The following ARHGAP6 variants were observed in gnomAD, a reference collection of about 807,000 sequenced individuals.
ARHGAP6 encodes the protein Rho GTPase activating protein 6, also known as rho GTPase-activating protein 6.
ARHGAP6 carries 16 observed loss-of-function variants against 55.7 expected under a neutral mutation model. The observed-to-expected ratio is 0.29, with a 90% confidence interval of 0.19 to 0.44. ARHGAP6 has a LOEUF of 0.44. Ranked by LOEUF, ARHGAP6 falls within the 20% of genes least tolerant of loss-of-function variation. The probability of loss-of-function intolerance (pLI) is 1.00; values close to 1 mark genes in which losing one functional copy is unlikely to be tolerated. For synonymous variants in ARHGAP6, 382 were observed against 360.9 expected, an observed-to-expected ratio of 1.06 and a Z score of -0.66; for missense variants, 698 against 808.9, an observed-to-expected ratio of 0.86 and a Z score of 1.66.
chrX:11,627,473 A>C (rs1165625307), intron 1 of ARHGAP6, among the ~76,000 whole-genome samples: 1 of 112,268 alleles, frequency 8.9e-6, no homozygotes, highest in Non-Finnish European at 1.9e-5. Flanking sequence ...TGAGTAAAGA[A>C]AATATGTTGC....
chrX:11,527,813 G>A (rs965301872), intron 1 of ARHGAP6, among the ~76,000 whole-genome samples: 2 of 111,842 alleles, frequency 1.8e-5, no homozygotes, highest in South Asian at 3.7e-4. Context: ...GGTTCTAGAT[G>A]GGTTGGGGAA....
At chrX:11,347,628 C>T (rs2048805506) in intron 1 of ARHGAP6, among the ~76,000 whole-genome samples, 1 of 112,049 alleles carries the variant, frequency 8.9e-6, no homozygotes, top group Non-Finnish European at 1.9e-5. Flanking sequence ...TATTATATAG[C>T]AATATCATTC....
intron 9 of ARHGAP6, among the ~76,000 whole-genome samples, chrX:11,166,973 G>T (rs2046025657): frequency 9.0e-6 from 1 of 111,633 alleles, no homozygotes; most frequent in East Asian, 2.8e-4. Flanking sequence ...TTCTAAAGAG[G>T]TCAAGAATGA....
chrX:11,182,044 A>G lies in ARHGAP6; in HGVS notation c.1329+19T>C, dbSNP rs1160200965. The G allele has an allele frequency of 8.4e-7, 1 of 1,187,490 alleles. No homozygotes were observed. Among genetic ancestry groups the G allele is most frequent in the Admixed American group, 2.2e-5 (1 of 45,608 alleles). ...TGAAAGTCATGTGAAACAAAATATA[A>G]TCTTTACTTTTCACTTACTTGTCTC... On this transcript the variant is annotated intron_variant, in intron 6 of 12. Transcript: ENST00000337414.
In ARHGAP6 at chrX:11,139,117, C is replaced by T. The variant is rs764515727; in HGVS notation, c.2671G>A (p.Ala891Thr). ...PPPYPGPGKP[A>T]AAAAWIQGPP... Reference sequence around the variant, plus strand: ...CCCTGGATCCAGGCTGCCGCTGCCGCGGGCTTCCCTGGGCCCGGGTATGGA... The same window carrying T: ...CCCTGGATCCAGGCTGCCGCTGCCGTGGGCTTCCCTGGGCCCGGGTATGGA... Residue 891 changes from alanine (A) to threonine (T), a missense_variant, in exon 13 of 13, where the codon GCG becomes ACG. This residue lies in a region of ARHGAP6 where 212 missense variants were observed against 208.7 expected (regional missense o/e 1.02). Transcript: ENST00000337414. 9.1e-6 allele frequency: 11 copies of T among 1,203,548 alleles called. 1 individual carries two copies. In the African/African-American group the frequency reaches 1.0e-4, roughly 11 times the overall value.
chrX:11,320,766 TACACACACACACACACACACAC>T (rs56815077), intron 1 of ARHGAP6, among the ~76,000 whole-genome samples: 4 of 85,668 alleles, frequency 4.7e-5, no homozygotes, highest in Non-Finnish European at 6.9e-5. Flanking sequence ...AATATCTCTT[TACACACACACACACACACACAC>T]ACACACACAC....
chrX:11,390,204 T>C (rs1201153733), intron 1 of ARHGAP6, among the ~76,000 whole-genome samples: 2 of 111,853 alleles, frequency 1.8e-5, no homozygotes, highest in African/African-American at 6.5e-5. Flanking sequence ...CATTTCTTGT[T>C]TTTGTCAGGT....
rs746789327 is a variant in ARHGAP6 at position 11,139,064 on chromosome X, C to T, written c.2724G>A (p.Thr908=). The change falls in exon 13 of 13, where the codon ACG becomes ACA. Residue 908 remains threonine, a synonymous_variant. Transcript: ENST00000337414. ...QGPPEGVETP[T]DQGGQAAERE... ...GCTCGGCTGCTTGGCCTCCCTGGTC[C>T]GTGGGTGTCTCCACGCCTTCCGGGG... 2.1e-5 allele frequency: 25 copies of T among 1,204,500 alleles called. No homozygotes were observed. The highest frequency in any genetic ancestry group is 2.6e-5 in the Non-Finnish European group (23 of 892,739).
intron 1 of ARHGAP6, among the ~76,000 whole-genome samples, chrX:11,502,761 C>T (rs1328319622): frequency 1.8e-5 from 2 of 111,896 alleles, no homozygotes; most frequent in Non-Finnish European, 3.8e-5. Context: ...TGGAAGAATA[C>T]AGGGTATAAT....
intron 1 of ARHGAP6, among the ~76,000 whole-genome samples, chrX:11,628,531 T>C (rs1455077066): frequency 8.9e-6 from 1 of 112,911 alleles, no homozygotes; most frequent in African/African-American, 3.2e-5. Flanking sequence ...ATATTTTGCA[T>C]ACGTGCAAAT....
intron 1 of ARHGAP6, among the ~76,000 whole-genome samples, chrX:11,512,040 A>G (rs965653512): frequency 1.8e-5 from 2 of 110,629 alleles, no homozygotes; most frequent in Non-Finnish European, 3.8e-5. Flanking sequence ...GTTAGCCAGG[A>G]TGGTCTTGAT....
chrX:11,337,813 AAAC>A (rs2048658210), intron 1 of ARHGAP6, among the ~76,000 whole-genome samples: 1 of 112,697 alleles, frequency 8.9e-6, no homozygotes, highest in African/African-American at 3.2e-5. Context: ...GGTAGTTAAT[AAAC>A]AACAGAGGTT....
At chrX:11,387,245 T>C (rs1603161713) in intron 1 of ARHGAP6, among the ~76,000 whole-genome samples, 1 of 111,481 alleles carries the variant, frequency 9.0e-6, no homozygotes, top group South Asian at 3.8e-4. Context: ...CCTGGGGAGC[T>C]CTACAAAATA....
intron 1 of ARHGAP6, among the ~76,000 whole-genome samples, chrX:11,371,688 T>C (rs2147709225): frequency 8.9e-6 from 1 of 112,485 alleles, no homozygotes; most frequent in East Asian, 2.8e-4. Flanking sequence ...AGAAAGATAA[T>C]GCCTAGTTTT....
At position 11,650,902 on chromosome X, in the gene ARHGAP6, C is replaced by T. The variant is rs963016050; in HGVS notation, c.588+13339G>A. 8.9e-5 allele frequency among the ~76,000 whole-genome samples: 10 copies of T among 112,233 alleles called. No homozygotes were observed. In the South Asian group the frequency reaches 3.0e-3, roughly 33 times the overall value. On this transcript the variant is annotated intron_variant, in intron 1 of 12. Coordinates refer to ENST00000337414, the MANE Select transcript of ARHGAP6 (RefSeq NM_013427.3). ...ATCTTCATATCACCTTTCATGTTTA[C>T]TTTCTCAGCATTTTGACACATTCTG...
intron 1 of ARHGAP6, among the ~76,000 whole-genome samples, chrX:11,412,288 T>A (rs1416719445): frequency 9.0e-6 from 1 of 111,672 alleles, no homozygotes; most frequent in Non-Finnish European, 1.9e-5. Flanking sequence ...AGCTACTAAT[T>A]CTACCCTGCT....
intron 1 of ARHGAP6, among the ~76,000 whole-genome samples, chrX:11,475,036 T>A (rs750537242): frequency 9.0e-6 from 1 of 111,100 alleles, no homozygotes; most frequent in East Asian, 2.8e-4. Context: ...AGAACCATAA[T>A]CTAAATAAAT....
chrX:11,290,908 G>C (rs1210468365), intron 1 of ARHGAP6, among the ~76,000 whole-genome samples: 13 of 112,043 alleles, frequency 1.2e-4, no homozygotes, highest in Non-Finnish European at 2.3e-4. Context: ...TTTACTTTCA[G>C]TTCACGCATA....
intron 1 of ARHGAP6, among the ~76,000 whole-genome samples, chrX:11,413,418 A>G (rs908736378): frequency 8.9e-6 from 1 of 112,385 alleles, no homozygotes; most frequent in Non-Finnish European, 1.9e-5. Context: ...AGTCAGCCAA[A>G]AGAAACATCA....
Sources: gnomAD v4.1 joint callset for allele counts (sites outside exome capture counted in the v4.1 genomes callset) on GRCh38, gnomAD v4.1.1 for gene constraint, gnomAD v4.1.1 regional missense constraint, MANE v1.5 for transcripts, NCBI Gene and HGNC (gene_info 2026-07-23, HGNC 2026-07-21) for gene names.